AFF1: variants seen among roughly 807,000 people sequenced by gnomAD.
AFF1 encodes ALF transcription elongation factor 1.
Under a neutral mutation model 121.7 loss-of-function variants are expected in AFF1, and 48 were observed. The ratio of observed to expected loss-of-function variants is 0.39; its 90% CI spans 0.31 to 0.50. The LOEUF (loss-of-function observed/expected upper bound fraction) is 0.50. Among genes scored for constraint, AFF1 ranks in the 20% least tolerant of loss-of-function variants. AFF1 has a pLI of 0.76. For synonymous variants in AFF1, 613 were observed against 563.0 expected (o/e 1.09, Z -1.26); for missense variants, 1,523 against 1,511.7 (o/e 1.01, Z -0.12).
chr4:86,985,191 A>ATATATATATATG lies in AFF1; in HGVS notation c.38+36631_38+36632insGTATATATATAT, dbSNP rs1326796758. Among the ~76,000 whole-genome samples the ATATATATATATG allele has an allele frequency of 2.5e-4, 27 of 106,004 alleles. No individual in the cohort carries two copies. The South Asian group carries it at 5.2e-3, about 20-fold the overall frequency. 69.5% of individuals were successfully genotyped at this position (106,004 alleles called of 152,430 possible). A position where few individuals can be genotyped will look rare whatever the true frequency, so the allele number is the denominator to read the frequency against. The stretch of plus-strand genomic sequence containing the variant: ...ATATAATATGTATTACTATATATAT[A>ATATATATATATG]TATATATATATATATATATATATAA... On this transcript the variant is annotated intron_variant, in intron 2 of 20. Transcript: ENST00000395146.
chr4:86,949,558 C>G, intron 2 of AFF1: 2 of 496,850 alleles, frequency 4.0e-6, no homozygotes, highest in East Asian at 6.7e-5. Context: ...TTTTTTTTTC[C>G]CGACTGGGGC....
intron 16 of AFF1, 76 bp downstream of exon 16, chr4:87,127,779 C>A: frequency 1.4e-6 from 2 of 1,427,630 alleles, no homozygotes; most frequent in Admixed American, 1.7e-5. Flanking sequence ...CTCCATTCTG[C>A]TGTATTCCAT....
chr4:87,140,606 G>A lies in AFF1; in HGVS notation c.*4905G>A, dbSNP rs2149815172. The A allele has an allele frequency of 5.4e-6, 1 of 185,296 alleles. No individual in the cohort carries two copies. The highest frequency in any genetic ancestry group is 6.2e-5 in the Admixed American group (1 of 16,050). 11.5% of individuals were successfully genotyped at this position (185,296 alleles called of 1,614,324 possible). On this transcript the variant is annotated 3_prime_UTR_variant, in exon 21 of 21. Coordinates refer to ENST00000395146, the MANE Select transcript of AFF1 (RefSeq NM_001166693.3). ...TGATAAATGAAAATCACTGGCCTAT[G>A]TTTAATAAGTTTTTCTTTAATTACT... is the stretch of plus-strand genomic sequence containing the variant.
intron 4 of AFF1, among the ~76,000 whole-genome samples, chr4:87,067,572 G>C (rs563582927): frequency 6.6e-6 from 1 of 152,156 alleles, no homozygotes; most frequent in South Asian, 2.1e-4. Flanking sequence ...AATTTCAGGG[G>C]CATTGCTAAA....
intron 2 of AFF1, among the ~76,000 whole-genome samples, chr4:86,985,178 T>TATATATATATA (rs1255880379): frequency 1.6e-4 from 15 of 93,136 alleles, no homozygotes; most frequent in Non-Finnish European, 2.8e-4. Context: ...ATAATATGTA[T>TATATATATATA]TACTATATAT....
chr4:87,005,782 T>C (rs1726062920), intron 2 of AFF1, among the ~76,000 whole-genome samples: 1 of 152,162 alleles, frequency 6.6e-6, no homozygotes, highest in African/African-American at 2.4e-5. Flanking sequence ...CTTGCTTCAT[T>C]AACGACAATC....
At chr4:86,957,592 G>T (rs1400109422) in intron 2 of AFF1, among the ~76,000 whole-genome samples, 1 of 152,056 alleles carries the variant, frequency 6.6e-6, no homozygotes, top group East Asian at 1.9e-4. Flanking sequence ...GCCCAGGCTG[G>T]AGTGCAGTGT....
intron 4 of AFF1, among the ~76,000 whole-genome samples, chr4:87,070,063 G>A (rs1015226551): frequency 6.6e-5 from 10 of 152,148 alleles, no homozygotes; most frequent in African/African-American, 2.4e-4. Flanking sequence ...GAGTGCAGTG[G>A]CAGGATCTCA....
At chr4:87,116,625 T>G (rs1356843512) in intron 12 of AFF1, among the ~76,000 whole-genome samples, 5 of 152,242 alleles carry the variant, frequency 3.3e-5, no homozygotes. Context: ...GTTAAAAATA[T>G]AACACGACTT....
chr4:87,022,862 G>A lies in AFF1; in HGVS notation c.39-23304G>A, dbSNP rs907957423. ...CCCAAGCATTGCCTCAATAAGTAAC[G>A]TTAGAATCATACATCCAAGCCAAAA... On this transcript the variant is annotated intron_variant, in intron 2 of 20. Transcript: ENST00000395146. 4.0e-5 allele frequency among the ~76,000 whole-genome samples: 6 copies of A among 151,106 alleles called. No individual in the cohort carries two copies. In the East Asian group the frequency reaches 5.8e-4, roughly 15 times the overall value.
chr4:86,985,214 T>TATAAAA, intron 2 of AFF1, among the ~76,000 whole-genome samples: 1 of 104,560 alleles, frequency 9.6e-6, no homozygotes, highest in Non-Finnish European at 2.1e-5. Flanking sequence ...TATATATATA[T>TATAAAA]AAAATTATAT....
chr4:87,078,078 C>G (rs1327805894), intron 4 of AFF1, among the ~76,000 whole-genome samples: 1 of 152,164 alleles, frequency 6.6e-6, no homozygotes, highest in Non-Finnish European at 1.5e-5. Flanking sequence ...AATCCTCCTA[C>G]CAATCATGGG....
intron 2 of AFF1, among the ~76,000 whole-genome samples, chr4:86,976,852 G>GT (rs1578880861): frequency 6.6e-6 from 1 of 152,200 alleles, no homozygotes; most frequent in East Asian, 1.9e-4. Flanking sequence ...GGCAAGGTTT[G>GT]TAACTCTTTG....
Position 87,110,998 on chromosome 4 carries a change from A to ATTTTTTTT in AFF1, c.1533+2689_1533+2696dup, listed in dbSNP as rs1263757983. Among the ~76,000 whole-genome samples, 17 of 81,066 alleles carry ATTTTTTTT rather than the reference A, an allele frequency of 2.1e-4. 2 individuals carry two copies. The highest frequency in any genetic ancestry group is 9.6e-4 in the African/African-American group (17 of 17,762). 53.2% of individuals were successfully genotyped at this position (81,066 alleles called of 152,430 possible). On this transcript the variant is annotated intron_variant, in intron 11 of 20. Coordinates refer to ENST00000395146, the MANE Select transcript of AFF1 (RefSeq NM_001166693.3). ...TGGCACTTTTATCTACTTAAACTTT[A>ATTTTTTTT]TTTTTTTTTTTTTATTTTTTTTTTT... is the stretch of plus-strand genomic sequence containing the variant.
At chr4:86,985,181 CTATA>C (rs55891819) in intron 2 of AFF1, among the ~76,000 whole-genome samples, 9,307 of 96,316 alleles carry the variant, frequency 0.097, 600 homozygotes, top group East Asian at 0.22. Context: ...ATATGTATTA[CTATA>C]TATATATATA....
At chr4:87,000,452 T>G (rs1725601405) in intron 2 of AFF1, among the ~76,000 whole-genome samples, 1 of 152,248 alleles carries the variant, frequency 6.6e-6, no homozygotes, top group South Asian at 2.1e-4. Flanking sequence ...TATTTCATAG[T>G]AATAGACCAA....
chr4:87,032,249 T>C (rs1317460082), intron 2 of AFF1, among the ~76,000 whole-genome samples: 1 of 152,242 alleles, frequency 6.6e-6, no homozygotes, highest in Non-Finnish European at 1.5e-5. Context: ...CTTGTTACCA[T>C]ATAAAATACC....
chr4:87,078,810 A>G (rs747525949), intron 4 of AFF1, among the ~76,000 whole-genome samples: 20 of 152,168 alleles, frequency 1.3e-4, no homozygotes, highest in Non-Finnish European at 1.0e-4. Flanking sequence ...TAAACTTTGG[A>G]TAGATAACCT....
At chr4:86,947,819 G>GTTTTTTTTTTTTTTTT (rs71831049) in intron 1 of AFF1, among the ~76,000 whole-genome samples, 1 of 148,584 alleles carries the variant, frequency 6.7e-6, no homozygotes, top group African/African-American at 2.5e-5. Flanking sequence ...GTTTTTGTTT[G>GTTTTTTTTTTTTTTTT]TTTTTTTTTT....
Sources: gnomAD v4.1 joint callset for allele counts (sites outside exome capture counted in the v4.1 genomes callset) on GRCh38, gnomAD v4.1.1 for gene constraint, MANE v1.5 for transcripts, NCBI Gene and HGNC (gene_info 2026-07-23, HGNC 2026-07-21) for gene names.